The following TMEM132C variants were observed in gnomAD, a reference collection of about 807,000 sequenced individuals.
The protein encoded by TMEM132C is transmembrane protein 132C.
In TMEM132C, 29 loss-of-function variants were observed where a neutral mutation model predicts 61.4. That is an observed-to-expected ratio of 0.47 (90% confidence interval 0.35 to 0.64). TMEM132C has a LOEUF of 0.64. TMEM132C is among the 30% of genes least tolerant of loss of function. TMEM132C has a pLI of 0.00. For synonymous variants in TMEM132C, 656 were observed against 633.1 expected (o/e 1.04, Z -0.54); for missense variants, 1,408 against 1,476.9 (o/e 0.95, Z 0.76).
intron 3 of TMEM132C, among the ~76,000 whole-genome samples, chr12:128,605,607 A>G (rs1032234608): frequency 3.1e-4 from 47 of 152,260 alleles, no homozygotes; most frequent in Middle Eastern, 3.4e-3. Context: ...TGCATTACGG[A>G]TCTGGTGTGA....
intron 1 of TMEM132C, among the ~76,000 whole-genome samples, chr12:128,347,752 A>T (rs981221292): frequency 1.3e-5 from 2 of 152,088 alleles, no homozygotes; most frequent in Non-Finnish European, 2.9e-5. Flanking sequence ...TCATATAATG[A>T]CTTCTCTTCC....
chr12:128,687,022 C>A (rs1202160183), intron 5 of TMEM132C, among the ~76,000 whole-genome samples: 1 of 151,794 alleles, frequency 6.6e-6, no homozygotes, highest in Non-Finnish European at 1.5e-5. Context: ...CACGGTGAAA[C>A]CTCATCTTTA....
intron 2 of TMEM132C, among the ~76,000 whole-genome samples, chr12:128,434,158 C>T (rs1473255992): frequency 6.6e-6 from 1 of 152,214 alleles, no homozygotes; most frequent in Non-Finnish European, 1.5e-5. Context: ...ATGCCTTCAG[C>T]TGCAGCTAAC....
At chr12:128,573,928 A>C (rs972347267) in intron 3 of TMEM132C, among the ~76,000 whole-genome samples, 2 of 151,960 alleles carry the variant, frequency 1.3e-5, no homozygotes, top group African/African-American at 4.8e-5. Flanking sequence ...TGGTGAAAAT[A>C]GGACTCCATT....
intron 3 of TMEM132C, among the ~76,000 whole-genome samples, chr12:128,557,317 TCAAAAC>T (rs1874364941): frequency 6.6e-6 from 1 of 152,216 alleles, no homozygotes; most frequent in African/African-American, 2.4e-5. Context: ...TGGTCCCCAG[TCAAAAC>T]TGAAAATGTA....
chr12:128,530,162 G>A (rs895073750), intron 2 of TMEM132C, among the ~76,000 whole-genome samples: 20 of 152,092 alleles, frequency 1.3e-4, no homozygotes, highest in African/African-American at 4.3e-4. Context: ...AGGCGTAGAC[G>A]ATGCACCCAG....
rs1425230710 is a variant in TMEM132C, at chr12:128,292,704, A to AGTTCCT, written c.85+25217_85+25218insGTTCCT. On this transcript the variant is annotated intron_variant, in intron 1 of 8. Coordinates refer to ENST00000435159, the MANE Select transcript of TMEM132C (RefSeq NM_001136103.3). ...AGTGTACTTAGTACCTAGGTACCTA[A>AGTTCCT]ATTCCTAGATGAGGTACTTCATAAG... 2.4e-3 allele frequency among the ~76,000 whole-genome samples: 237 copies of AGTTCCT among 98,248 alleles called. 5 individuals carry two copies. Among genetic ancestry groups the AGTTCCT allele is most frequent in the Middle Eastern group, 5.6e-3 (1 of 178 alleles). 64.5% of individuals were successfully genotyped at this position (98,248 alleles called of 152,430 possible).
At chr12:128,533,600 G>T (rs1183079888) in intron 2 of TMEM132C, among the ~76,000 whole-genome samples, 1 of 151,972 alleles carries the variant, frequency 6.6e-6, no homozygotes, top group Non-Finnish European at 1.5e-5. Flanking sequence ...TTCTCTTCTG[G>T]TGTCTATCTC....
chr12:128,459,884 CAAAA>C (rs71069569), intron 2 of TMEM132C, among the ~76,000 whole-genome samples: 54 of 82,184 alleles, frequency 6.6e-4, no homozygotes, highest in African/African-American at 2.7e-3. Context: ...GACTCTGTCT[CAAAA>C]AAAAAAAAAA....
chr12:128,492,534 ATCACCAT>A (rs1378702230), intron 2 of TMEM132C, among the ~76,000 whole-genome samples: 26 of 152,172 alleles, frequency 1.7e-4, no homozygotes, highest in African/African-American at 5.8e-4. Flanking sequence ...CTTTTTAGTA[ATCACCAT>A]TCTAACTGGT....
rs565041678 is a variant in TMEM132C at position 128,508,758 on chromosome 12, A to G, written c.975-35199A>G. ...ATTTTCCTGTTTGCAGCCTGGTACC[A>G]TCTGTAGCTGTTGACACCCGTGCTC... On this transcript the variant is annotated intron_variant, in intron 2 of 8. Coordinates refer to ENST00000435159, the MANE Select transcript of TMEM132C (RefSeq NM_001136103.3). Among the ~76,000 whole-genome samples the G allele has an allele frequency of 3.9e-5, 6 of 152,294 alleles. No homozygotes were observed. In the East Asian group the frequency reaches 9.7e-4, roughly 25 times the overall value.
At chr12:128,431,941 T>C (rs1348463626) in intron 2 of TMEM132C, among the ~76,000 whole-genome samples, 1 of 152,164 alleles carries the variant, frequency 6.6e-6, no homozygotes, top group Non-Finnish European at 1.5e-5. Flanking sequence ...TTTCAGTTGC[T>C]CATTTATCAA....
intron 4 of TMEM132C, among the ~76,000 whole-genome samples, chr12:128,650,926 C>G (rs898840783): frequency 1.3e-5 from 2 of 152,098 alleles, no homozygotes; most frequent in Non-Finnish European, 2.9e-5. Context: ...CAGAACAGAC[C>G]AGAGTCATAA....
intron 2 of TMEM132C, among the ~76,000 whole-genome samples, chr12:128,499,864 C>T (rs1240006308): frequency 2.6e-5 from 4 of 152,172 alleles, no homozygotes; most frequent in Non-Finnish European, 4.4e-5. Context: ...GTGCAGATTT[C>T]TCTTCCATAT....
In TMEM132C at chr12:128,405,328, C is replaced by T. The variant is rs118092814; in HGVS notation, c.86-9404C>T. On this transcript the variant is annotated intron_variant, in intron 1 of 8. Coordinates refer to ENST00000435159, the MANE Select transcript of TMEM132C (RefSeq NM_001136103.3). ...CAAGATGAGAGGTAAGTTTAGGGAG[C>T]GTACAGGGTGCTGCAGCCTGTGTGG... Among the ~76,000 whole-genome samples, 694 of 152,222 alleles carry T rather than the reference C, an allele frequency of 4.6e-3. 6 individuals carry two copies. The highest frequency in any genetic ancestry group is 0.027 in the Middle Eastern group (8 of 294).
chr12:128,670,392 A>C (rs897783236), intron 5 of TMEM132C, among the ~76,000 whole-genome samples: 1 of 152,170 alleles, frequency 6.6e-6, no homozygotes, highest in Non-Finnish European at 1.5e-5. Context: ...TCTCCTGTCT[A>C]ACTGATATTT....
intron 3 of TMEM132C, 123 bp from the exon 4 acceptor site, chr12:128,616,029 C>T (rs982773121): frequency 8.0e-7 from 1 of 1,255,934 alleles, no homozygotes. Flanking sequence ...GGATCCCCCA[C>T]CAAAACCCTG....
chr12:128,657,991 C>T (rs1189987072), intron 4 of TMEM132C, among the ~76,000 whole-genome samples: 1 of 152,070 alleles, frequency 6.6e-6, no homozygotes. Context: ...AGCAAAGCTC[C>T]AACAAGGCAG....
intron 1 of TMEM132C, among the ~76,000 whole-genome samples, chr12:128,390,806 C>T (rs767177161): frequency 4.6e-5 from 7 of 152,104 alleles, no homozygotes; most frequent in Admixed American, 6.5e-5. Context: ...AAGGCTGTGG[C>T]GCTGTCCAGG....
Sources: allele counts gnomAD v4.1 joint callset (sites outside exome capture counted in the v4.1 genomes callset), GRCh38; gene constraint gnomAD v4.1.1; transcripts MANE v1.5; gene names NCBI Gene and HGNC (gene_info 2026-07-23, HGNC 2026-07-21).